The following STAU2 variants were observed in gnomAD, a reference collection of about 807,000 sequenced individuals.
STAU2 encodes the protein double-stranded RNA-binding protein Staufen homolog 2.
STAU2 carries 20 observed loss-of-function variants against 65.9 expected under a neutral mutation model. That is an observed-to-expected ratio of 0.30 (90% confidence interval 0.21 to 0.44). The LOEUF (loss-of-function observed/expected upper bound fraction) is 0.44, where lower values mean the gene tolerates loss of function less well. Among genes scored for constraint, STAU2 ranks in the 20% least tolerant of loss-of-function variants. STAU2 has a pLI of 1.00. For missense variants in STAU2, 558 were observed against 683.9 expected (o/e 0.82, Z 2.05); for synonymous variants, 232 against 233.9 (o/e 0.99, Z 0.07).
intron 13 of STAU2, among the ~76,000 whole-genome samples, chr8:73,532,548 T>A (rs1048574004): frequency 6.6e-5 from 10 of 152,200 alleles, no homozygotes; most frequent in African/African-American, 1.9e-4. Flanking sequence ...AGGTGTGGTG[T>A]GCCCAGGAGT....
At chr8:73,597,289 A>C (rs1811255112) in intron 10 of STAU2, among the ~76,000 whole-genome samples, 1 of 152,060 alleles carries the variant, frequency 6.6e-6, no homozygotes, top group Non-Finnish European at 1.5e-5. Context: ...AGAAGAAGAG[A>C]AGACACAAAT....
intron 3 of STAU2, among the ~76,000 whole-genome samples, chr8:73,731,753 C>T (rs1186802252): frequency 6.6e-6 from 1 of 152,008 alleles, no homozygotes; most frequent in Non-Finnish European, 1.5e-5. Flanking sequence ...GCCTGCCCAA[C>T]ATGATGAAAC....
At chr8:73,660,448 G>A (rs1313119424) in intron 6 of STAU2, among the ~76,000 whole-genome samples, 1 of 152,176 alleles carries the variant, frequency 6.6e-6, no homozygotes, top group Admixed American at 6.6e-5. Context: ...ATTAAGTGGT[G>A]ATCCCTGGGC....
At chr8:73,696,515 C>A (rs186707270) in intron 4 of STAU2, among the ~76,000 whole-genome samples, 47 of 152,262 alleles carry the variant, frequency 3.1e-4, no homozygotes, top group African/African-American at 1.1e-3. Context: ...ATTTGGAATT[C>A]TTATCAGATA....
intron 13 of STAU2, among the ~76,000 whole-genome samples, chr8:73,500,595 T>C (rs1353214107): frequency 2.6e-5 from 4 of 151,860 alleles, no homozygotes; most frequent in Admixed American, 2.6e-4. Flanking sequence ...TTTAAAAAAA[T>C]AGAAGCTTGA....
At chr8:73,448,260 A>G (rs1353751778) in intron 13 of STAU2, among the ~76,000 whole-genome samples, 2 of 152,076 alleles carry the variant, frequency 1.3e-5, no homozygotes, top group African/African-American at 4.8e-5. Context: ...GGAAGGAAGG[A>G]TATAAGATTT....
chr8:73,687,915 T>G (rs1819050680), intron 5 of STAU2, among the ~76,000 whole-genome samples: 1 of 151,562 alleles, frequency 6.6e-6, no homozygotes, highest in Admixed American at 6.6e-5. Flanking sequence ...AGGGTTTCAC[T>G]GTGTTAGCCA....
chr8:73,630,252 T>C (rs549150532), intron 6 of STAU2, among the ~76,000 whole-genome samples: 14 of 152,372 alleles, frequency 9.2e-5, no homozygotes, highest in African/African-American at 3.1e-4. Flanking sequence ...GGTATGCTTT[T>C]ACATCGGTTA....
intron 12 of STAU2, among the ~76,000 whole-genome samples, chr8:73,578,468 A>C (rs911248442): frequency 2.2e-4 from 33 of 152,324 alleles, no homozygotes; most frequent in African/African-American, 7.7e-4. Flanking sequence ...AGGTAGGTCT[A>C]ATATACAGTC....
intron 6 of STAU2, among the ~76,000 whole-genome samples, chr8:73,669,637 TTCTCTCTCTCTC>T (rs34037884): frequency 1.2e-4 from 17 of 141,336 alleles, no homozygotes; most frequent in East Asian, 4.3e-4. Context: ...GAGCCTGGAA[TTCTCTCTCTCTC>T]TCTCTCTCTC....
intron 6 of STAU2, chr8:73,651,613 C>T: frequency 1.6e-6 from 1 of 638,910 alleles, no homozygotes. Context: ...CCCCTGGCTC[C>T]TTCTGGGGTC....
chr8:73,598,778 C>T (rs1374500937), intron 10 of STAU2, among the ~76,000 whole-genome samples: 1 of 152,028 alleles, frequency 6.6e-6, no homozygotes, highest in Non-Finnish European at 1.5e-5. Flanking sequence ...ATCTAAGAAA[C>T]TCCACAGATG....
intron 12 of STAU2, among the ~76,000 whole-genome samples, chr8:73,580,279 G>A (rs554714850): frequency 1.3e-5 from 2 of 152,156 alleles, no homozygotes; most frequent in Non-Finnish European, 2.9e-5. Flanking sequence ...TGTTATTCAA[G>A]GATGGGTAAT....
chr8:73,721,872 G>A (rs1460218176), intron 3 of STAU2, among the ~76,000 whole-genome samples: 2 of 152,188 alleles, frequency 1.3e-5, no homozygotes, highest in Non-Finnish European at 2.9e-5. Flanking sequence ...TTAAACTGGA[G>A]TGTTTAGACA....
intron 13 of STAU2, among the ~76,000 whole-genome samples, chr8:73,539,028 G>A (rs1277787494): frequency 1.3e-5 from 2 of 152,128 alleles, no homozygotes; most frequent in Admixed American, 1.3e-4. Flanking sequence ...ATTTGACACA[G>A]AATTTGATGG....
At chr8:73,434,338 G>A (rs761941339) in intron 13 of STAU2, among the ~76,000 whole-genome samples, 16 of 151,708 alleles carry the variant, frequency 1.1e-4, no homozygotes, top group South Asian at 2.1e-4. Flanking sequence ...CCTGATTTTA[G>A]CCCAGTGAGA....
At chr8:73,596,543 T>C (rs1053799409) in intron 10 of STAU2, among the ~76,000 whole-genome samples, 4 of 152,160 alleles carry the variant, frequency 2.6e-5, no homozygotes, top group African/African-American at 7.2e-5. Flanking sequence ...AGTAGTTAAA[T>C]AGTTAATCAC....
chr8:73,582,372 T>C (rs940872547), intron 12 of STAU2, among the ~76,000 whole-genome samples: 13 of 151,238 alleles, frequency 8.6e-5, no homozygotes, highest in South Asian at 2.1e-4. Flanking sequence ...TAATTGGAAC[T>C]TTGAAAGTTG....
intron 11 of STAU2, among the ~76,000 whole-genome samples, chr8:73,588,591 A>C (rs1279671509): frequency 1.3e-5 from 2 of 152,224 alleles, no homozygotes; most frequent in East Asian, 3.8e-4. Context: ...CACCGGGGGA[A>C]GGGTAGAAAC....
Sources: allele counts gnomAD v4.1 joint callset (sites outside exome capture counted in the v4.1 genomes callset), GRCh38; gene constraint gnomAD v4.1.1; transcripts MANE v1.5; gene names NCBI Gene and HGNC (gene_info 2026-07-23, HGNC 2026-07-21).